The following RNF214 variants were observed in gnomAD, a reference collection of about 807,000 sequenced individuals.
RNF214 encodes the protein ring finger protein 214.
RNF214 carries 25 observed loss-of-function variants against 75.9 expected under a neutral mutation model. That is an observed-to-expected ratio of 0.33 (90% CI 0.24 to 0.46). The LOEUF is 0.46. Ranked by LOEUF, RNF214 falls within the 20% of genes least tolerant of loss-of-function variation. The pLI, the probability that RNF214 is intolerant of heterozygous loss-of-function variation, is 1.00. For synonymous variants in RNF214, 314 were observed against 308.8 expected, an observed-to-expected ratio of 1.02 and a Z score of -0.18; for missense variants, 725 against 857.5, an observed-to-expected ratio of 0.85 and a Z score of 1.93.
rs377311325 is a variant in RNF214, at chr11:117,282,070, T to G, written c.1512T>G (p.Pro504=). Residue 504 remains proline, a synonymous_variant, in exon 11 of 15, where the codon CCT becomes CCG. Coordinates refer to ENST00000300650, the MANE Select transcript of RNF214 (RefSeq NM_207343.4). ...SQPSQPSSPL[P]GSHGRNSPGL... ...CCAGCCAGCCTTCCTCACCCCTTCC[T>G]GGCTCCCATGGCAGAAATAGCCCTG... 1.2e-6 allele frequency: 2 copies of G among 1,613,970 alleles called. No individual in the cohort carries two copies. Among genetic ancestry groups the G allele is most frequent in the Non-Finnish European group, 1.7e-6 (2 of 1,180,006 alleles).
chr11:117,251,402 G>T (rs1340158618), intron 6 of RNF214, among the ~76,000 whole-genome samples: 6 of 141,880 alleles, frequency 4.2e-5, no homozygotes, highest in Admixed American at 1.4e-4. Flanking sequence ...CCTCCCTCCC[G>T]GACGGGGCGG....
At chr11:117,253,873 T>C (rs1374035194) in intron 6 of RNF214, among the ~76,000 whole-genome samples, 2 of 152,216 alleles carry the variant, frequency 1.3e-5, no homozygotes, top group Non-Finnish European at 2.9e-5. Flanking sequence ...AAAAAAATTC[T>C]CTGAACTTGC....
At position 117,254,986 on chromosome 11, in the gene RNF214, T is replaced by G. The variant is rs73580353; in HGVS notation, c.959+8038T>G. Among the ~76,000 whole-genome samples, 1,081 of 152,246 alleles carry G rather than the reference T, an allele frequency of 7.1e-3. 15 individuals are homozygous for G. The highest frequency in any genetic ancestry group is 0.024 in the African/African-American group (994 of 41,552). ...TGCTGGAGAAAATCACACAACTGTG[T>G]GTCTTGGGGCCAGAATACATTTATG... On this transcript the variant is annotated intron_variant, in intron 6 of 14. Coordinates refer to ENST00000300650, the MANE Select transcript of RNF214 (RefSeq NM_207343.4).
Position 117,282,003 on chromosome 11 carries a change from G to A in RNF214, c.1445G>A (p.Arg482His), listed in dbSNP as rs764830918. 1.1e-5 allele frequency: 17 copies of A among 1,613,776 alleles called. No individual in the cohort carries two copies. The highest frequency in any genetic ancestry group is 2.7e-5 in the African/African-American group (2 of 74,800). The change falls in exon 11 of 15, where the codon CGC becomes CAC. Residue 482 changes from arginine (R) to histidine (H), a missense_variant. Physicochemically the swap from Arg to His is conservative, Grantham distance 29. Coordinates refer to ENST00000300650, the MANE Select transcript of RNF214 (RefSeq NM_207343.4). ...ATGGTTATGCCCAGTGCAGATCCCC[G>A]CTCCTTGTCTTTCCCAATCCTGAAC... ...MPMVMPSADP[R>H]SLSFPILNPA...
intron 4 of RNF214, among the ~76,000 whole-genome samples, chr11:117,243,336 G>A (rs1424253196): frequency 6.6e-6 from 1 of 152,078 alleles, no homozygotes; most frequent in Non-Finnish European, 1.5e-5. Flanking sequence ...AGTAGAGATG[G>A]GATTGCACTG....
chr11:117,252,143 A>C (rs1329000604), intron 6 of RNF214, among the ~76,000 whole-genome samples: 1 of 152,228 alleles, frequency 6.6e-6, no homozygotes, highest in Non-Finnish European at 1.5e-5. Context: ...TTCTGGGATT[A>C]CAGGTGTGAG....
chr11:117,273,915 T>G (rs1417251768), intron 6 of RNF214, among the ~76,000 whole-genome samples: 1 of 152,176 alleles, frequency 6.6e-6, no homozygotes, highest in Non-Finnish European at 1.5e-5. Context: ...CTATGCAGGA[T>G]CTGAAAGAAT....
chr11:117,278,822 C>CAATT (rs1465415667), intron 6 of RNF214, among the ~76,000 whole-genome samples: 1 of 152,122 alleles, frequency 6.6e-6, no homozygotes, highest in Non-Finnish European at 1.5e-5. Context: ...TCTGGCCAGG[C>CAATT]ACAGTAGCCT....
intron 13 of RNF214, 71 bp from the exon 14 acceptor site, chr11:117,283,044 A>G: frequency 8.9e-7 from 1 of 1,124,650 alleles, no homozygotes; most frequent in Non-Finnish European, 1.3e-6. Flanking sequence ...TGCTGCATGG[A>G]ATTATGGGCA....
intron 6 of RNF214, among the ~76,000 whole-genome samples, chr11:117,250,658 G>A (rs1476920626): frequency 2.2e-5 from 3 of 133,808 alleles, no homozygotes; most frequent in South Asian, 2.4e-4. Context: ...GGTGTTTCTC[G>A]CAGAGGGGGA....
intron 6 of RNF214, among the ~76,000 whole-genome samples, chr11:117,256,160 T>G (rs951995145): frequency 6.6e-6 from 1 of 152,194 alleles, no homozygotes; most frequent in South Asian, 2.1e-4. Context: ...GACTGACTAA[T>G]ATAGCTAATC....
In RNF214 at chr11:117,260,673, C is replaced by G. The variant is rs1043555059; in HGVS notation, c.959+13725C>G. On this transcript the variant is annotated intron_variant, in intron 6 of 14. Coordinates refer to ENST00000300650, the MANE Select transcript of RNF214 (RefSeq NM_207343.4). ...TTTCTTTTTCCTTTTTTATTTGAGACGGAGTTTCACTCTTGTTGCCCAGGC... is the reference window on the plus strand; with the variant it reads ...TTTCTTTTTCCTTTTTTATTTGAGAGGGAGTTTCACTCTTGTTGCCCAGGC... Among the ~76,000 whole-genome samples, 4 of 143,754 alleles carry G rather than the reference C, an allele frequency of 2.8e-5. No homozygotes were observed. In the East Asian group the frequency reaches 8.5e-4, roughly 30 times the overall value. 94.3% of individuals were successfully genotyped at this position (143,754 alleles called of 152,430 possible). A position where few individuals can be genotyped will look rare whatever the true frequency, so the allele number is the denominator to read the frequency against.
chr11:117,271,965 A>G (rs558931563), intron 6 of RNF214, among the ~76,000 whole-genome samples: 7 of 152,140 alleles, frequency 4.6e-5, no homozygotes, highest in African/African-American at 1.4e-4. Context: ...GGAGCACACC[A>G]CCGTGCCCAG....
At chr11:117,248,462 G>A (rs916648175) in intron 6 of RNF214, among the ~76,000 whole-genome samples, 1 of 152,150 alleles carries the variant, frequency 6.6e-6, no homozygotes, top group Non-Finnish European at 1.5e-5. Context: ...CTACCAAAAT[G>A]TTTTTTGTTT....
At chr11:117,240,555 G>A (rs1212395772) in intron 4 of RNF214, among the ~76,000 whole-genome samples, 1 of 151,662 alleles carries the variant, frequency 6.6e-6, no homozygotes, top group Admixed American at 6.6e-5. Context: ...GGGCGTGGTG[G>A]TGTGTGCCTG....
chr11:117,240,929 A>G lies in RNF214; in HGVS notation c.678+1069A>G, dbSNP rs1214655225. Among the ~76,000 whole-genome samples, 30 of 152,084 alleles carry G rather than the reference A, an allele frequency of 2.0e-4. 1 individual carries two copies. The highest frequency in any genetic ancestry group is 2.0e-3 in the Admixed American group (30 of 15,254). On this transcript the variant is annotated intron_variant, in intron 4 of 14. Coordinates refer to ENST00000300650, the MANE Select transcript of RNF214 (RefSeq NM_207343.4). ...CACGGTGGCTCACGTCTGTAATCCTAGCGCTTTGGGAGGCTGAGGCAGGCA... is the reference window on the plus strand; with the variant it reads ...CACGGTGGCTCACGTCTGTAATCCTGGCGCTTTGGGAGGCTGAGGCAGGCA...
At chr11:117,245,563 C>T (rs1267177155) in intron 5 of RNF214, among the ~76,000 whole-genome samples, 1 of 151,822 alleles carries the variant, frequency 6.6e-6, no homozygotes. Context: ...AGGATGGTCT[C>T]GATCTCCTGA....
At chr11:117,276,318 A>C (rs2034014986) in intron 6 of RNF214, among the ~76,000 whole-genome samples, 1 of 152,210 alleles carries the variant, frequency 6.6e-6, no homozygotes, top group Non-Finnish European at 1.5e-5. Context: ...CCCCCTCAGA[A>C]CTGGAACAAG....
intron 8 of RNF214, 118 bp from the exon 9 acceptor site, chr11:117,281,194 GAA>G: frequency 1.5e-6 from 1 of 685,472 alleles, no homozygotes; most frequent in South Asian, 1.5e-5. Context: ...GGCTGGTCTA[GAA>G]CTCCTGAGCT....
Sources: gnomAD v4.1 joint callset for allele counts (sites outside exome capture counted in the v4.1 genomes callset) on GRCh38, gnomAD v4.1.1 for gene constraint, MANE v1.5 for transcripts, NCBI Gene and HGNC (gene_info 2026-07-23, HGNC 2026-07-21) for gene names.